DVL2: variants seen among roughly 807,000 people sequenced by gnomAD.
The protein encoded by DVL2 is dishevelled segment polarity protein 2, also known as segment polarity protein dishevelled homolog DVL-2.
A neutral mutation model predicts 69.8 loss-of-function variants in DVL2; 38 were observed. The ratio of observed to expected loss-of-function variants is 0.54; its 90% CI spans 0.42 to 0.71. The LOEUF (loss-of-function observed/expected upper bound fraction) is 0.71, where lower values mean the gene tolerates loss of function less well. DVL2 is among the 30% of genes least tolerant of loss of function. The pLI is 0.00. For missense variants in DVL2, 931 were observed against 1,008.1 expected, an observed-to-expected ratio of 0.92 and a Z score of 1.04; for synonymous variants, 428 against 392.4, an observed-to-expected ratio of 1.09 and a Z score of -1.07.
At chr17:7,230,920 T>C in intron 1 of DVL2, 123 bp from the exon 2 acceptor site, 1 of 653,874 alleles carries the variant, frequency 1.5e-6, no homozygotes, top group Non-Finnish European at 2.6e-6. Flanking sequence ...CCTGTTCAGG[T>C]CTTCTCTTAC....
At chr17:7,231,211 C>G (rs1164759777) in intron 1 of DVL2, among the ~76,000 whole-genome samples, 1 of 152,152 alleles carries the variant, frequency 6.6e-6, no homozygotes, top group South Asian at 2.1e-4. Context: ...CACCTGTAAT[C>G]CCAGCACTTT....
In DVL2 at chr17:7,233,087, C is replaced by CAAAAAAAAAA. The variant is rs59984818; in HGVS notation, c.194+972_194+981dup. ...CCTGGGCGACAGAGCGAGACTGTCTCAAAAAAAAAAAAAAAAAAAAGCAGA... is the reference window on the plus strand; with the variant it reads ...CCTGGGCGACAGAGCGAGACTGTCTCAAAAAAAAAAAAAAAAAAAAAAAAAAAAAAGCAGA... On this transcript the variant is annotated intron_variant, in intron 1 of 14. Coordinates refer to ENST00000005340, the MANE Select transcript of DVL2 (RefSeq NM_004422.3). 4.9e-3 allele frequency among the ~76,000 whole-genome samples: 177 copies of CAAAAAAAAAA among 36,254 alleles called. 15 individuals carry two copies. Among genetic ancestry groups the CAAAAAAAAAA allele is most frequent in the African/African-American group, 0.013 (160 of 12,242 alleles). The allele number at this position is 36,254 out of a possible 152,430, so 23.8% of individuals were successfully genotyped here.
intron 9 of DVL2, 115 bp from the exon 10 acceptor site, chr17:7,228,159 C>T (rs2071486918): frequency 1.3e-5 from 11 of 837,158 alleles, no homozygotes; most frequent in East Asian, 5.2e-5. Flanking sequence ...GCAAGCACAT[C>T]GCGGCTGGGC....
At chr17:7,233,618 G>T (rs555032244) in intron 1 of DVL2, among the ~76,000 whole-genome samples, 1 of 152,166 alleles carries the variant, frequency 6.6e-6, no homozygotes, top group East Asian at 1.9e-4. Context: ...CTAATTTTTT[G>T]TATTTTTAGT....
intron 2 of DVL2, 138 bp downstream of exon 2, chr17:7,230,590 G>A (rs1346431609): frequency 2.1e-5 from 28 of 1,318,872 alleles, no homozygotes; most frequent in Admixed American, 1.1e-4. Flanking sequence ...AGGGCCTCTC[G>A]CCGGCTCTCC....
chr17:7,233,189 C>G (rs2071572751), intron 1 of DVL2, among the ~76,000 whole-genome samples: 1 of 151,516 alleles, frequency 6.6e-6, no homozygotes, highest in African/African-American at 2.4e-5. Flanking sequence ...ACACGCCAAT[C>G]TAGTCCAAGA....
At chr17:7,232,533 G>A (rs1052773048) in intron 1 of DVL2, among the ~76,000 whole-genome samples, 1 of 152,174 alleles carries the variant, frequency 6.6e-6, no homozygotes, top group Non-Finnish European at 1.5e-5. Flanking sequence ...CATTCACCAA[G>A]AATTTCCCGT....
In DVL2 at chr17:7,230,747, T is replaced by G; in HGVS notation, c.245A>C (p.Asn82Thr). 1 of 1,613,382 alleles carries G rather than the reference T, an allele frequency of 6.2e-7. No individual in the cohort carries two copies. The highest frequency in any genetic ancestry group is 1.7e-5 in the Admixed American group (1 of 59,942). ...TCTTACCCAGGATACCACCCTTCCG[T>G]TGAAGCAGGGGAGGCGGGCGTTGTC... is the stretch of plus-strand genomic sequence containing the variant. ...SDDNARLPCF[N>T]GRVVSWLVSS... is the part of the protein sequence containing the mutation. Residue 82 changes from asparagine to threonine, a missense_variant, in exon 2 of 15, where the codon AAC becomes ACC. Transcript: ENST00000005340.
Position 7,234,101 on chromosome 17 carries a change from C to T in DVL2, c.162G>A (p.Lys54=). 5 of 1,614,182 alleles carry T rather than the reference C, an allele frequency of 3.1e-6. No homozygotes were observed. Among genetic ancestry groups the T allele is most frequent in the Non-Finnish European group, 4.2e-6 (5 of 1,180,040 alleles). Residue 54 remains lysine (K), a synonymous_variant, in exon 1 of 15, where the codon AAG becomes AAA. Transcript: ENST00000005340. ...KSVLQRPAGA[K]YFFKSMDQDF... ...CCTGATCCATAGACTTGAAAAAGTA[C>T]TTGGCGCCCGCGGGCCGCTGCAGGA...
chr17:7,228,931 AAG>A (rs575937086), intron 9 of DVL2, 36 bp downstream of exon 9: 99 of 1,599,684 alleles, frequency 6.2e-5, no homozygotes, highest in Admixed American at 4.2e-4. Flanking sequence ...GAGAAAAAAA[AAG>A]AGGACTGAGG....
chr17:7,227,866 C>A (rs2071482051), intron 10 of DVL2, 83 bp from the exon 11 acceptor site: 1 of 1,558,520 alleles, frequency 6.4e-7, no homozygotes, highest in East Asian at 2.4e-5. Flanking sequence ...CCTCCTGTTC[C>A]ACCTCTGCCT....
chr17:7,231,757 G>A (rs962582458), intron 1 of DVL2, among the ~76,000 whole-genome samples: 7 of 151,520 alleles, frequency 4.6e-5, no homozygotes, highest in South Asian at 2.1e-4. Context: ...CAGCTACTCC[G>A]GAGGCCAAAG....
chr17:7,233,912 T>C (rs920342556), intron 1 of DVL2, 157 bp downstream of exon 1: 2 of 767,690 alleles, frequency 2.6e-6, no homozygotes, highest in Non-Finnish European at 4.3e-6. Context: ...CATAACCTTG[T>C]CCATCCTGGG....
At position 7,234,509 on chromosome 17, in the gene DVL2, C is replaced by T. The variant is rs1019380393; in HGVS notation, c.-247G>A. 3 of 528,880 alleles carry T rather than the reference C, an allele frequency of 5.7e-6. No homozygotes were observed. Among genetic ancestry groups the T allele is most frequent in the South Asian group, 2.5e-5 (1 of 40,664 alleles). The allele number at this position is 528,880 out of a possible 1,614,324, so 32.8% of individuals were successfully genotyped here. On this transcript the variant is annotated 5_prime_UTR_variant, in exon 1 of 15. Coordinates refer to ENST00000005340, the MANE Select transcript of DVL2 (RefSeq NM_004422.3). ...CGCCACCGACGCCGCGAGCTTCCTC[C>T]AGGTACCCGCCCACCTCTCCTCATG...
chr17:7,233,111 G>GA (rs988586184), intron 1 of DVL2, among the ~76,000 whole-genome samples: 8 of 91,664 alleles, frequency 8.7e-5, no homozygotes, highest in Non-Finnish European at 1.4e-4. Context: ...AAAAAAAGCA[G>GA]AGGTTGAGGA....
At chr17:7,230,620 A>C in intron 2 of DVL2, 108 bp downstream of exon 2, 1 of 1,343,382 alleles carries the variant, frequency 7.4e-7, no homozygotes, top group South Asian at 1.4e-5. Context: ...GGAGGTAAAG[A>C]GCCAGGGCTG....
chr17:7,225,354 A>G lies in DVL2; in HGVS notation c.*511T>C, dbSNP rs1249925762. 5.2e-6 allele frequency: 3 copies of G among 574,494 alleles called. No individual in the cohort carries two copies. The highest frequency in any genetic ancestry group is 2.0e-5 in the South Asian group (1 of 49,222). The allele number at this position is 574,494 out of a possible 1,614,324, so 35.6% of individuals were successfully genotyped here. On this transcript the variant is annotated 3_prime_UTR_variant, in exon 15 of 15. Coordinates refer to ENST00000005340, the MANE Select transcript of DVL2 (RefSeq NM_004422.3). ...CCAGAGGCGTGGGGAGTTTGCCTCTATTGCTTTATTTGGTGTTTTATACAA... is the reference window on the plus strand; with the variant it reads ...CCAGAGGCGTGGGGAGTTTGCCTCTGTTGCTTTATTTGGTGTTTTATACAA...
Position 7,229,500 on chromosome 17 carries a change from G to A in DVL2, c.748-53C>T. 6.2e-7 allele frequency: 1 copy of A among 1,613,082 alleles called. No homozygotes were observed. ...CCTTCAATAACCCAGGGTCAACCCT[G>A]GGGTGCTGCCGGTGTCCTGGCACCG... On this transcript the variant is annotated intron_variant, in intron 6 of 14. Transcript: ENST00000005340. The surrounding 1 kb of genome is among the most constrained non-coding windows in gnomAD (Gnocchi z 4.4).
In DVL2 at chr17:7,234,255, C is replaced by A. The variant is rs768855231; in HGVS notation, c.8G>T (p.Gly3Val). MA[G>V]SSTGGGGVGE... ...AACCCCACCGCCCCCAGTGCTGCTA[C>A]CCGCCATGGTCTCGCCCGCGCGCTC... Residue 3 changes from glycine (G) to valine (V), a missense_variant, in exon 1 of 15, where the codon GGT (glycine) becomes GTT (valine). Coordinates refer to ENST00000005340, the MANE Select transcript of DVL2 (RefSeq NM_004422.3). 3.1e-6 allele frequency: 5 copies of A among 1,606,772 alleles called. No homozygotes were observed. The highest frequency in any genetic ancestry group is 3.4e-6 in the Non-Finnish European group (4 of 1,176,354).
Sources: gnomAD v4.1 joint callset for allele counts (sites outside exome capture counted in the v4.1 genomes callset) on GRCh38, gnomAD v4.1.1 for gene constraint, Gnocchi (gnomAD v3.1) non-coding constraint, MANE v1.5 for transcripts, NCBI Gene and HGNC (gene_info 2026-07-23, HGNC 2026-07-21) for gene names.